The following PPP2R3B variants were observed in gnomAD, a reference collection of about 807,000 sequenced individuals.
The protein encoded by PPP2R3B is serine/threonine-protein phosphatase 2A regulatory subunit B'' subunit beta.
In PPP2R3B, 68 loss-of-function variants were observed where a neutral mutation model predicts 72.9. That is an observed-to-expected ratio of 0.93 (90% CI 0.77 to 1.14). The LOEUF (loss-of-function observed/expected upper bound fraction) is 1.14. Among genes scored for constraint, PPP2R3B ranks in the 50% most tolerant of loss-of-function variants. The pLI is 0.00. For missense variants in PPP2R3B, 1,018 were observed against 842.0 expected (o/e 1.21, Z -2.59); for synonymous variants, 466 against 375.8 (o/e 1.24, Z -2.78).
In PPP2R3B at chrX:386,506, C is replaced by A; in HGVS notation, c.186G>T (p.Pro62=). 2.3e-6 allele frequency: 3 copies of A among 1,306,228 alleles called. No individual in the cohort carries two copies. Among genetic ancestry groups the A allele is most frequent in the Non-Finnish European group, 1.9e-6 (2 of 1,027,654 alleles). 80.9% of individuals were successfully genotyped at this position (1,306,228 alleles called of 1,614,324 possible). The change falls in exon 1 of 13, where the codon CCG becomes CCT. Residue 62 remains proline, a synonymous_variant. Coordinates refer to ENST00000390665, the MANE Select transcript of PPP2R3B (RefSeq NM_013239.5). ...GCCCGCTGGGCCGGGGGGCGGCGAG[C>A]GGGGCTGTGGGCCAGGCCCCGGGCT... ...GEQPGAWPTA[P]LAAPRPSGLE...
chrX:341,518 C>CCCTCCTGCCCT (rs1556118592), intron 8 of PPP2R3B, 122 bp from the exon 9 acceptor site: 30 of 954,752 alleles, frequency 3.1e-5, no homozygotes, highest in Admixed American at 7.4e-5. Context: ...CCTCCTGCCC[C>CCCTCCTGCCCT]CCTCCTGCCC....
chrX:354,675 A>G (rs2071404226), intron 2 of PPP2R3B, among the ~76,000 whole-genome samples: 2 of 152,018 alleles, frequency 1.3e-5, no homozygotes, highest in South Asian at 4.2e-4. Context: ...ACATAGCAGA[A>G]CCCTGTCTCT....
intron 12 of PPP2R3B, chrX:338,286 A>C: frequency 2.0e-6 from 1 of 509,846 alleles, no homozygotes; most frequent in Non-Finnish European, 3.6e-6. Context: ...GCCGTGGGAT[A>C]AGGACAGACG....
intron 7 of PPP2R3B, among the ~76,000 whole-genome samples, chrX:344,592 G>A (rs766153406): frequency 6.6e-6 from 1 of 152,370 alleles, no homozygotes; most frequent in East Asian, 1.9e-4. Flanking sequence ...CACAGGGACA[G>A]TGAGCGCCTG....
chrX:360,028 C>T (rs944736911), intron 2 of PPP2R3B, among the ~76,000 whole-genome samples: 40 of 152,138 alleles, frequency 2.6e-4, no homozygotes, highest in Non-Finnish European at 5.7e-4. Context: ...TCTTTCAGAC[C>T]CGTATTGCCC....
At chrX:356,862 C>T (rs113147569) in intron 2 of PPP2R3B, among the ~76,000 whole-genome samples, 3,455 of 86,664 alleles carry the variant, frequency 0.04, 3 homozygotes, top group Admixed American at 0.064. Context: ...AGCCACACAG[C>T]GAGCCCCACA....
rs1013599720 is a variant in PPP2R3B at position 340,996 on chromosome X, T to TGCAGCCCCTGAG, written c.1176-68_1176-57dup. On this transcript the variant is annotated intron_variant, in intron 9 of 12. Coordinates refer to ENST00000390665, the MANE Select transcript of PPP2R3B (RefSeq NM_013239.5). ...CCCTGGGCCCTCCCAGCCCGTGACC[T>TGCAGCCCCTGAG]GCAGCCCCTGAGGCAGCCCCCACCG... 2.5e-5 allele frequency: 39 copies of TGCAGCCCCTGAG among 1,560,830 alleles called. 1 individual carries two copies. Among genetic ancestry groups the TGCAGCCCCTGAG allele is most frequent in the Non-Finnish European group, 2.8e-5 (33 of 1,161,510 alleles).
At chrX:361,337 G>T in intron 2 of PPP2R3B, 68 bp downstream of exon 2, 2 of 1,573,646 alleles carry the variant, frequency 1.3e-6, no homozygotes, top group Non-Finnish European at 1.7e-6. Context: ...CACCACGGCC[G>T]CTCCGCCTCA....
intron 1 of PPP2R3B, among the ~76,000 whole-genome samples, chrX:383,868 C>CAAAAAAAAAAAAAA (rs2072183875): frequency 1.0e-5 from 1 of 100,012 alleles, no homozygotes; most frequent in African/African-American, 3.6e-5. Context: ...AAAAAAAAAA[C>CAAAAAAAAAAAAAA]CAAAAAAACA....
chrX:345,014 T>A, intron 7 of PPP2R3B: 1 of 370,904 alleles, frequency 2.7e-6, no homozygotes, highest in Non-Finnish European at 5.3e-6. Context: ...TGTGGATGAC[T>A]CTTAGAGGGG....
At chrX:346,395 G>C in intron 5 of PPP2R3B, 135 bp from the exon 6 acceptor site, 8 of 870,440 alleles carry the variant, frequency 9.2e-6, no homozygotes, top group Middle Eastern at 3.5e-4. Context: ...GGCGGGGGCA[G>C]AGGGAAGGGC....
At chrX:368,114 C>T (rs1235270892) in intron 1 of PPP2R3B, among the ~76,000 whole-genome samples, 2 of 151,968 alleles carry the variant, frequency 1.3e-5, no homozygotes, top group Non-Finnish European at 2.9e-5. Context: ...CGGGCACAGA[C>T]ACAGGGAAGG....
chrX:342,256 A>C lies in PPP2R3B; in HGVS notation c.1037-325T>G, dbSNP rs2071097062. 5 of 514,250 alleles carry C rather than the reference A, an allele frequency of 9.7e-6. No homozygotes were observed. In the South Asian group the frequency reaches 1.1e-4, roughly 11 times the overall value. The allele number at this position is 514,250 out of a possible 1,614,324, so 31.9% of individuals were successfully genotyped here. Reference sequence around the variant, plus strand: ...GAGAGACCTCGAGTGTGATCACGGAAACAAACACGTTTCAACCAAAGGTTC... The same window carrying C: ...GAGAGACCTCGAGTGTGATCACGGACACAAACACGTTTCAACCAAAGGTTC... On this transcript the variant is annotated intron_variant, in intron 7 of 12. Coordinates refer to ENST00000390665, the MANE Select transcript of PPP2R3B (RefSeq NM_013239.5).
intron 4 of PPP2R3B, 56 bp from the exon 5 acceptor site, chrX:346,831 G>C: frequency 1.3e-6 from 2 of 1,494,890 alleles, no homozygotes; most frequent in South Asian, 1.2e-5. Flanking sequence ...CCCGTGAGGT[G>C]TGCGGTGTGG....
chrX:358,437 G>A (rs2071478175), intron 2 of PPP2R3B, among the ~76,000 whole-genome samples: 1 of 92,274 alleles, frequency 1.1e-5, no homozygotes, highest in African/African-American at 3.3e-5. Context: ...GTCGGTGCGT[G>A]CAGGCACAGT....
chrX:361,326 C>G (rs1454709476), intron 2 of PPP2R3B, 79 bp downstream of exon 2: 3 of 1,522,106 alleles, frequency 2.0e-6, no homozygotes, highest in Non-Finnish European at 2.7e-6. Context: ...TGACACGCAC[C>G]CACCACGGCC....
At chrX:383,310 C>T (rs1397683229) in intron 1 of PPP2R3B, among the ~76,000 whole-genome samples, 10 of 152,236 alleles carry the variant, frequency 6.6e-5, no homozygotes, top group Non-Finnish European at 8.8e-5. Flanking sequence ...TGTGGTGCTA[C>T]GTAAATATCA....
intron 2 of PPP2R3B, among the ~76,000 whole-genome samples, chrX:353,744 TGGGGGCTCACCCAAAGACC>T (rs1247966558): frequency 1.9e-4 from 29 of 151,782 alleles, no homozygotes; most frequent in Non-Finnish European, 2.9e-4. Context: ...GACCGGGGGC[TGGGGGCTCACCCAAAGACC>T]GGGGGCTCAC....
Position 334,121 on chromosome X carries a change from C to T in PPP2R3B, c.*246G>A, listed in dbSNP as rs6645064. The T allele has an allele frequency of 0.45, 178,592 of 396,490 alleles. 44,213 individuals are homozygous for T. The highest frequency in any genetic ancestry group is 0.78 in the African/African-American group (36,862 of 47,370). 24.6% of individuals were successfully genotyped at this position (396,490 alleles called of 1,614,324 possible). On this transcript the variant is annotated 3_prime_UTR_variant, in exon 13 of 13. Transcript: ENST00000390665. ...CCCAGGCTGGGTCGGGAACGGCAAG[C>T]GCCAGAGGGTGTCCGTGTGGGAACC...
Sources: gnomAD v4.1 joint callset for allele counts (sites outside exome capture counted in the v4.1 genomes callset) on GRCh38, gnomAD v4.1.1 for gene constraint, MANE v1.5 for transcripts, NCBI Gene and HGNC (gene_info 2026-07-23, HGNC 2026-07-21) for gene names.